Variants in TLK2 observed in about 807,000 individuals in gnomAD.
The protein encoded by TLK2 is serine/threonine-protein kinase tousled-like 2.
TLK2 carries 6 observed loss-of-function variants against 117.3 expected under a neutral mutation model. The observed-to-expected ratio is 0.05, with a 90% confidence interval of 0.03 to 0.10. The LOEUF is 0.10. Ranked by LOEUF, TLK2 falls within the 10% of genes least tolerant of loss-of-function variation. The pLI, the probability that TLK2 is intolerant of heterozygous loss-of-function variation, is 1.00. For missense variants in TLK2, 299 were observed against 901.2 expected (o/e 0.33, Z 8.56); for synonymous variants, 257 against 316.7 (o/e 0.81, Z 2.00).
At position 62,512,507 on chromosome 17, in the gene TLK2, C is replaced by T. The variant is rs12944369; in HGVS notation, c.82-8266C>T. Among the ~76,000 whole-genome samples the T allele has an allele frequency of 4.1e-3, 622 of 152,112 alleles. 2 individuals carry two copies. The highest frequency in any genetic ancestry group is 6.2e-3 in the Admixed American group (95 of 15,268). On this transcript the variant is annotated intron_variant, in intron 2 of 21. Transcript: ENST00000346027. ...CAAAGTGCTGGTGAGCCACCGCCCC[C>T]GGCCTACATCCTCTTTAGTAAAATG...
At chr17:62,511,726 A>G (rs1245682563) in intron 2 of TLK2, among the ~76,000 whole-genome samples, 1 of 152,174 alleles carries the variant, frequency 6.6e-6, no homozygotes, top group East Asian at 1.9e-4. Flanking sequence ...AAGTTCCAAG[A>G]TTTTGCATAT....
chr17:62,565,988 T>C (rs2079755305), intron 11 of TLK2, among the ~76,000 whole-genome samples: 1 of 152,212 alleles, frequency 6.6e-6, no homozygotes, highest in South Asian at 2.1e-4. Flanking sequence ...CCACTGTGTG[T>C]GCCTGTGTGC....
At chr17:62,492,544 G>T (rs1215135001) in intron 2 of TLK2, among the ~76,000 whole-genome samples, 1 of 151,630 alleles carries the variant, frequency 6.6e-6, no homozygotes, top group Non-Finnish European at 1.5e-5. Flanking sequence ...TGTGATCTCC[G>T]CCTCCCAGGT....
intron 2 of TLK2, among the ~76,000 whole-genome samples, chr17:62,515,602 A>C (rs1247394415): frequency 6.6e-6 from 1 of 152,110 alleles, no homozygotes; most frequent in Non-Finnish European, 1.5e-5. Context: ...GCATCTTTTC[A>C]TGTGGTCGTT....
Position 62,519,541 on chromosome 17 carries a change from C to T in TLK2, c.82-1232C>T, listed in dbSNP as rs189987386. Among the ~76,000 whole-genome samples the T allele has an allele frequency of 8.0e-3, 1,221 of 152,190 alleles. 7 individuals are homozygous for T. Among genetic ancestry groups the T allele is most frequent in the Non-Finnish European group, 0.012 (811 of 68,024 alleles). On this transcript the variant is annotated intron_variant, in intron 2 of 21. Transcript: ENST00000346027. Reference sequence around the variant, plus strand: ...CAAAGAAGTCAGCTGGGGCCGGGTGCGGTGGCTCACGTCTTTAATCTCAGC... The same window carrying T: ...CAAAGAAGTCAGCTGGGGCCGGGTGTGGTGGCTCACGTCTTTAATCTCAGC...
intron 12 of TLK2, among the ~76,000 whole-genome samples, chr17:62,575,271 C>T (rs900983095): frequency 7.2e-5 from 11 of 152,182 alleles, no homozygotes; most frequent in African/African-American, 2.7e-4. Flanking sequence ...TGACCAGAAG[C>T]CAGAAGTAGG....
upstream of TLK2, chr17:62,477,715 A>T (rs1396691698): frequency 6.6e-6 from 1 of 152,202 alleles, no homozygotes; most frequent in East Asian, 1.9e-4. Flanking sequence ...GCTGCACTGG[A>T]GCCTGTCCTG....
At chr17:62,557,037 A>G (rs1284934986) in intron 9 of TLK2, among the ~76,000 whole-genome samples, 3 of 152,124 alleles carry the variant, frequency 2.0e-5, no homozygotes, top group Non-Finnish European at 4.4e-5. Context: ...CAGTCCTCTC[A>G]CTTCAGCCTC....
chr17:62,606,084 T>G (rs373577658), intron 19 of TLK2, 46 bp from the exon 20 acceptor site: 28 of 882,866 alleles, frequency 3.2e-5, no homozygotes, highest in African/African-American at 3.0e-4. Flanking sequence ...TGTCTTAAAC[T>G]TATATGATCA....
intron 2 of TLK2, among the ~76,000 whole-genome samples, chr17:62,494,533 A>T (rs1182533012): frequency 1.3e-5 from 2 of 152,078 alleles, no homozygotes; most frequent in Admixed American, 6.5e-5. Flanking sequence ...TTGGGATTAT[A>T]GGCATGAGCC....
At chr17:62,488,647 A>G (rs1287642394) in intron 2 of TLK2, among the ~76,000 whole-genome samples, 1 of 152,026 alleles carries the variant, frequency 6.6e-6, no homozygotes, top group Non-Finnish European at 1.5e-5. Context: ...CCCCATTGCT[A>G]CTGCCTTAAT....
intron 6 of TLK2, among the ~76,000 whole-genome samples, chr17:62,533,570 G>A (rs2076907065): frequency 6.6e-6 from 1 of 151,172 alleles, no homozygotes; most frequent in Non-Finnish European, 1.5e-5. Context: ...TCTGCCTCCC[G>A]CGTTCAAGTG....
chr17:62,524,201 T>A, intron 5 of TLK2, 35 bp from the exon 6 acceptor site: 1 of 1,612,834 alleles, frequency 6.2e-7, no homozygotes, highest in Non-Finnish European at 8.5e-7. Flanking sequence ...AGTACTGTTT[T>A]GAATTATTCA....
chr17:62,592,008 G>A (rs1292815462), intron 16 of TLK2, among the ~76,000 whole-genome samples: 1 of 151,112 alleles, frequency 6.6e-6, no homozygotes, highest in Non-Finnish European at 1.5e-5. Context: ...AGGCTGGAGT[G>A]CAATGGCGCA....
intron 6 of TLK2, among the ~76,000 whole-genome samples, chr17:62,533,668 G>T (rs1244196428): frequency 6.6e-6 from 1 of 151,722 alleles, no homozygotes; most frequent in Non-Finnish European, 1.5e-5. Context: ...GTAGAGGCAG[G>T]GTTTTGCCAC....
In TLK2 at chr17:62,596,031, A is replaced by G. The variant is rs115838378; in HGVS notation, c.1461-554A>G. 3.9e-3 allele frequency among the ~76,000 whole-genome samples: 587 copies of G among 152,218 alleles called. 2 individuals are homozygous for G. Among genetic ancestry groups the G allele is most frequent in the African/African-American group, 0.013 (552 of 41,548 alleles). On this transcript the variant is annotated intron_variant, in intron 16 of 21. Transcript: ENST00000346027. ...ATAGAATGAACTTGAAAGGGATGAA[A>G]AGGGTTGACATCCATTCACTTAACA...
chr17:62,607,246 G>A lies in TLK2; in HGVS notation c.1972-795G>A, dbSNP rs1452569319. On this transcript the variant is annotated intron_variant, in intron 20 of 21. Coordinates refer to ENST00000346027, the MANE Select transcript of TLK2 (RefSeq NM_006852.6). Reference sequence around the variant, plus strand: ...GAAAATGGCAGCTCGGTGACCAGGCGTGGTGGCTCACACCTGTAATCCCAG... The same window carrying A: ...GAAAATGGCAGCTCGGTGACCAGGCATGGTGGCTCACACCTGTAATCCCAG... 2.0e-5 allele frequency among the ~76,000 whole-genome samples: 3 copies of A among 150,986 alleles called. 1 individual carries two copies. The South Asian group carries it at 6.3e-4, about 32-fold the overall frequency.
At chr17:62,473,897 T>C (rs2070987979), upstream of TLK2, among the ~76,000 whole-genome samples, 1 of 151,992 alleles carries the variant, frequency 6.6e-6, no homozygotes, top group Non-Finnish European at 1.5e-5. Context: ...GCCTAGATTT[T>C]TTTTCTTTTC....
intron 2 of TLK2, among the ~76,000 whole-genome samples, chr17:62,489,242 C>G (rs2072839981): frequency 6.6e-6 from 1 of 150,408 alleles, no homozygotes; most frequent in African/African-American, 2.4e-5. Context: ...ACTGTGTCAC[C>G]CAGGCTTGAG....
Sources: gnomAD v4.1 joint callset for allele counts (sites outside exome capture counted in the v4.1 genomes callset) on GRCh38, gnomAD v4.1.1 for gene constraint, MANE v1.5 for transcripts, NCBI Gene and HGNC (gene_info 2026-07-23, HGNC 2026-07-21) for gene names.